Variants in KIF6 observed in about 807,000 individuals in gnomAD.
KIF6 encodes kinesin-like protein KIF6.
A neutral mutation model predicts 112.7 loss-of-function variants in KIF6; 106 were observed. The observed-to-expected ratio is 0.94, with a 90% confidence interval of 0.80 to 1.11. The LOEUF is 1.11. Among genes scored for constraint, KIF6 ranks in the 50% least tolerant of loss-of-function variants. The pLI is 0.00. For missense variants in KIF6, 929 were observed against 964.0 expected (o/e 0.96, Z 0.48); for synonymous variants, 339 against 339.9 (o/e 1.00, Z 0.03).
At chr6:39,669,583 G>C (rs565473446) in intron 3 of KIF6, among the ~76,000 whole-genome samples, 6 of 152,130 alleles carry the variant, frequency 3.9e-5, no homozygotes, top group Non-Finnish European at 7.4e-5. Context: ...TACTTTAAAA[G>C]CTTTAATTGT....
rs148358301 is a variant in KIF6, at chr6:39,507,987, C to T, written c.1645+32016G>A. Among the ~76,000 whole-genome samples, 642 of 121,814 alleles carry T rather than the reference C, an allele frequency of 5.3e-3. 20 individuals carry two copies. The East Asian group carries it at 0.095, about 18-fold the overall frequency. The allele number at this position is 121,814 out of a possible 152,430, so 79.9% of individuals were successfully genotyped here. A position where few individuals can be genotyped will look rare whatever the true frequency, so the allele number is the denominator to read the frequency against. On this transcript the variant is annotated intron_variant, in intron 13 of 22. Coordinates refer to ENST00000287152, the MANE Select transcript of KIF6 (RefSeq NM_145027.6). ...CCTCCTCCTCCTCCTCCTCTTCCTC[C>T]CTCACAACCCCATATCCCTCTCCCT... is the stretch of plus-strand genomic sequence containing the variant.
intron 15 of KIF6, among the ~76,000 whole-genome samples, chr6:39,394,940 G>A (rs1768149414): frequency 6.6e-6 from 1 of 152,110 alleles, no homozygotes; most frequent in South Asian, 2.1e-4. Context: ...CCATCACCTC[G>A]GCCCTATCTT....
intron 15 of KIF6, among the ~76,000 whole-genome samples, chr6:39,386,332 G>A (rs1767420002): frequency 6.6e-6 from 1 of 152,146 alleles, no homozygotes; most frequent in Admixed American, 6.5e-5. Context: ...GATGGTGACT[G>A]GAATGGTGAG....
chr6:39,628,370 G>T (rs1174887664), intron 5 of KIF6, among the ~76,000 whole-genome samples: 2 of 151,838 alleles, frequency 1.3e-5, no homozygotes, highest in Non-Finnish European at 2.9e-5. Flanking sequence ...CCCCAATTTT[G>T]CTTATGTTCC....
chr6:39,546,550 G>A (rs1208495117), intron 10 of KIF6, among the ~76,000 whole-genome samples: 2 of 152,144 alleles, frequency 1.3e-5, no homozygotes, highest in Non-Finnish European at 2.9e-5. Flanking sequence ...GTTTGGCCGG[G>A]TACAGTGGCT....
At position 39,720,745 on chromosome 6, in the gene KIF6, C is replaced by T; in HGVS notation, c.133G>A (p.Ala45Thr). Residue 45 changes from alanine to threonine, a missense_variant, in exon 2 of 23, where the codon GCA (alanine) becomes ACA (threonine). Ala to Thr is a moderately conservative substitution (Grantham distance 58). Around this residue, in one of 2 missense-constraint regions of KIF6, gnomAD observed 688 missense variants for 662.7 expected, o/e 1.04. Coordinates refer to ENST00000287152, the MANE Select transcript of KIF6 (RefSeq NM_145027.6). ...CGCTTATTATTCACAAACCCATCTG[C>T]CAAATCACGTGGTAAGATGATTTCC... Reference protein sequence around the residue: ...SLEIILPRDLADGFVNNKRES... With the variant: ...SLEIILPRDLTDGFVNNKRES... The T allele has an allele frequency of 6.2e-7, 1 of 1,609,994 alleles. No individual in the cohort carries two copies. The highest frequency in any genetic ancestry group is 8.5e-7 in the Non-Finnish European group (1 of 1,176,458).
rs113708427 is a variant in KIF6 at position 39,584,641 on chromosome 6, G to A, written c.1077+257C>T. On this transcript the variant is annotated intron_variant, in intron 9 of 22. Coordinates refer to ENST00000287152, the MANE Select transcript of KIF6 (RefSeq NM_145027.6). ...GTGGCTTTTGAGTTAGATTGCCTGC[G>A]TGTGAAGCCTGACTCTGCTACTTAT... is the stretch of plus-strand genomic sequence containing the variant. Among the ~76,000 whole-genome samples, 577 of 152,044 alleles carry A rather than the reference G, an allele frequency of 3.8e-3. 5 individuals are homozygous for A. Among genetic ancestry groups the A allele is most frequent in the African/African-American group, 0.013 (546 of 41,488 alleles).
intron 10 of KIF6, among the ~76,000 whole-genome samples, chr6:39,569,035 C>T (rs1264609048): frequency 6.6e-6 from 1 of 152,106 alleles, no homozygotes; most frequent in Non-Finnish European, 1.5e-5. Flanking sequence ...TCCTGAAATC[C>T]ACTCCTCCTG....
chr6:39,407,241 T>C (rs890285144), intron 15 of KIF6, among the ~76,000 whole-genome samples: 2 of 152,200 alleles, frequency 1.3e-5, no homozygotes, highest in Admixed American at 1.3e-4. Flanking sequence ...GATTGCAGTA[T>C]TTACTTCAAA....
intron 3 of KIF6, among the ~76,000 whole-genome samples, chr6:39,669,075 A>G (rs1786653986): frequency 1.3e-5 from 2 of 152,198 alleles, no homozygotes. Flanking sequence ...TCATGAAACA[A>G]AGGATAAAAT....
intron 19 of KIF6, among the ~76,000 whole-genome samples, chr6:39,355,156 A>C (rs1385643555): frequency 6.6e-6 from 1 of 152,214 alleles, no homozygotes; most frequent in African/African-American, 2.4e-5. Context: ...GCTGTACTCC[A>C]GCATGAGTGA....
At chr6:39,724,562 C>T (rs1380275067) in intron 1 of KIF6, among the ~76,000 whole-genome samples, 1 of 151,846 alleles carries the variant, frequency 6.6e-6, no homozygotes, top group Non-Finnish European at 1.5e-5. Context: ...AGAGGAAGCA[C>T]CTGGTAAATA....
At chr6:39,364,342 A>G (rs1356200040) in intron 16 of KIF6, among the ~76,000 whole-genome samples, 1 of 151,942 alleles carries the variant, frequency 6.6e-6, no homozygotes, top group Non-Finnish European at 1.5e-5. Context: ...GATGGTCTCG[A>G]TCTCTTGACC....
intron 13 of KIF6, among the ~76,000 whole-genome samples, chr6:39,532,319 C>A (rs1778120837): frequency 6.6e-6 from 1 of 152,224 alleles, no homozygotes; most frequent in South Asian, 2.1e-4. Flanking sequence ...TATATAAGGA[C>A]TGTGTAAGCT....
At chr6:39,352,335 T>C (rs997788076) in intron 19 of KIF6, among the ~76,000 whole-genome samples, 1 of 152,224 alleles carries the variant, frequency 6.6e-6, no homozygotes, top group Admixed American at 6.5e-5. Context: ...TACAGCTCTA[T>C]GGATTTTGAC....
chr6:39,368,527 C>G (rs1190679645), intron 16 of KIF6, among the ~76,000 whole-genome samples: 1 of 152,182 alleles, frequency 6.6e-6, no homozygotes, highest in Non-Finnish European at 1.5e-5. Flanking sequence ...GAAGGTGTTG[C>G]TCTTTTCCAT....
At chr6:39,653,357 G>A (rs1339873295) in intron 3 of KIF6, among the ~76,000 whole-genome samples, 2 of 152,086 alleles carry the variant, frequency 1.3e-5, no homozygotes, top group African/African-American at 4.8e-5. Flanking sequence ...CAAAGGATGT[G>A]ACTTTATCAT....
rs1314300567 is a variant in KIF6 at position 39,579,258 on chromosome 6, C to T, written c.1078-1099G>A. ...ACTATGTAATATTGACAGGTACTTT[C>T]ATTTTGCCAATCTGTTAGGTGTAAA... On this transcript the variant is annotated intron_variant, in intron 9 of 22. Transcript: ENST00000287152. 5.3e-5 allele frequency among the ~76,000 whole-genome samples: 8 copies of T among 152,236 alleles called. No homozygotes were observed. In the East Asian group the frequency reaches 1.3e-3, roughly 26 times the overall value.
intron 13 of KIF6, among the ~76,000 whole-genome samples, chr6:39,460,536 T>TAAAAAAAAAAAAAAAAAAAAAAAAAAGA (rs759528125): frequency 1.8e-5 from 1 of 57,076 alleles, no homozygotes; most frequent in Non-Finnish European, 3.2e-5. Flanking sequence ...AAAAAAAAAG[T>TAAAAAAAAAAAAAAAAAAAAAAAAAAGA]AAAAAAAAAA....
Sources: allele counts gnomAD v4.1 joint callset (sites outside exome capture counted in the v4.1 genomes callset), GRCh38; gene constraint gnomAD v4.1.1; regional missense constraint gnomAD v4.1.1; transcripts MANE v1.5; gene names NCBI Gene and HGNC (gene_info 2026-07-23, HGNC 2026-07-21).